Variants in HMCN2 observed in about 807,000 individuals in gnomAD.
HMCN2 encodes hemicentin-2.
A neutral mutation model predicts 377.5 loss-of-function variants in HMCN2; 325 were observed. That is an observed-to-expected ratio of 0.86 (90% CI 0.79 to 0.94). HMCN2 has a LOEUF of 0.94. HMCN2 is among the 40% of genes least tolerant of loss of function. The pLI is 0.00. For synonymous variants in HMCN2, 2,007 were observed against 2,046.8 expected, an observed-to-expected ratio of 0.98 and a Z score of 0.53; for missense variants, 4,543 against 4,725.3, an observed-to-expected ratio of 0.96 and a Z score of 1.13.
intron 15 of HMCN2, among the ~76,000 whole-genome samples, chr9:130,312,537 CTCCTTTCTTTCTTTCTTTCT>C (rs1837308407): frequency 5.8e-5 from 1 of 17,134 alleles, no homozygotes; most frequent in African/African-American, 1.9e-4. Context: ...CCCTCCCTCC[CTCCTTTCTTTCTTTCTTTCT>C]TTCTTTCTTT....
chr9:130,293,160 AAAAT>A lies in HMCN2; in HGVS notation c.613-1694_613-1691del, dbSNP rs1835895971. On this transcript the variant is annotated intron_variant, in intron 4 of 97. Coordinates refer to ENST00000683500, the MANE Select transcript of HMCN2 (RefSeq NM_001291815.2). ...GTCTCTTACATTTGTTTATAAGAAA[AAAAT>A]CTTGATTCTGAAAATATTGACATCT... Among the ~76,000 whole-genome samples, 10 of 152,266 alleles carry A rather than the reference AAAAT, an allele frequency of 6.6e-5. No individual in the cohort carries two copies. The South Asian group carries it at 2.1e-3, about 32-fold the overall frequency.
At chr9:130,312,862 C>T (rs1195217585) in intron 15 of HMCN2, among the ~76,000 whole-genome samples, 1 of 151,820 alleles carries the variant, frequency 6.6e-6, no homozygotes, top group Non-Finnish European at 1.5e-5. Context: ...GATGGGGTTT[C>T]ACCATGTTGT....
At chr9:130,412,242 G>A (rs1290610994) in intron 85 of HMCN2, among the ~76,000 whole-genome samples, 1 of 152,208 alleles carries the variant, frequency 6.6e-6, no homozygotes, top group African/African-American at 2.4e-5. Context: ...AAAGTGCTGG[G>A]ATTACAGGAG....
intron 1 of HMCN2, among the ~76,000 whole-genome samples, chr9:130,267,697 T>C (rs1239549994): frequency 1.3e-5 from 2 of 152,240 alleles, no homozygotes; most frequent in Admixed American, 6.5e-5. Flanking sequence ...GAGGCCCCTC[T>C]GCTTCCAGGA....
chr9:130,355,863 G>T lies in HMCN2; in HGVS notation c.5255+9G>T, dbSNP rs775399543. 7.8e-7 allele frequency: 1 copy of T among 1,285,954 alleles called. No homozygotes were observed. Among genetic ancestry groups the T allele is most frequent in the African/African-American group, 1.5e-5 (1 of 65,696 alleles). The allele number at this position is 1,285,954 out of a possible 1,614,324, so 79.7% of individuals were successfully genotyped here. ...CCAGTACCCACTATCCAGTGAGTCT[G>T]GGGTGGTGGAGGCCAGGGCTGGGGG... is the stretch of plus-strand genomic sequence containing the variant. On this transcript the variant is annotated intron_variant, in intron 33 of 97. Transcript: ENST00000683500.
At chr9:130,382,122 G>A (rs752357784) in intron 54 of HMCN2, 62 bp from the exon 55 acceptor site, 195 of 729,300 alleles carry the variant, frequency 2.7e-4, no homozygotes, top group Non-Finnish European at 3.2e-4. Context: ...AGGGGGCAGC[G>A]TCTTTGCTCT....
chr9:130,302,298 C>T (rs542334451), intron 8 of HMCN2, among the ~76,000 whole-genome samples: 9 of 152,238 alleles, frequency 5.9e-5, no homozygotes, highest in South Asian at 2.1e-4. Flanking sequence ...TGCCCACCTC[C>T]GCCTCCCAAA....
chr9:130,361,744 G>A lies in HMCN2; in HGVS notation c.5951-264G>A, dbSNP rs866808774. Among the ~76,000 whole-genome samples the A allele has an allele frequency of 6.6e-6, 1 of 152,208 alleles. No individual in the cohort carries two copies. Among genetic ancestry groups the A allele is most frequent in the Non-Finnish European group, 1.5e-5 (1 of 68,036 alleles). ...GCTGACCAGAGGCCTGAGTGCGAGT[G>A]CTGCTTCCTGGGTGGTCAGCCTTGG... is the stretch of plus-strand genomic sequence containing the variant. On this transcript the variant is annotated intron_variant, in intron 38 of 97. Transcript: ENST00000683500. This position sits in a 1 kb window ranked among gnomAD's most constrained non-coding sequence, Gnocchi z 4.8.
At position 130,433,809 on chromosome 9, in the gene HMCN2, C is replaced by A; in HGVS notation, c.*116C>A. On this transcript the variant is annotated 3_prime_UTR_variant, in exon 98 of 98. Transcript: ENST00000683500. ...GAGCGTCATCGTCTCCCGCCCCGTG[C>A]GTCAGCGAGACCTTGGGTCAACACG... The A allele has an allele frequency of 1.2e-6, 1 of 864,908 alleles. No homozygotes were observed. Among genetic ancestry groups the A allele is most frequent in the Non-Finnish European group, 1.7e-6 (1 of 604,630 alleles). 53.6% of individuals were successfully genotyped at this position (864,908 alleles called of 1,614,324 possible). A position where few individuals can be genotyped will look rare whatever the true frequency, so the allele number is the denominator to read the frequency against.
At chr9:130,350,388 CAA>C (rs1187309511) in intron 29 of HMCN2, among the ~76,000 whole-genome samples, 1 of 89,688 alleles carries the variant, frequency 1.1e-5, no homozygotes, top group Non-Finnish European at 2.0e-5. Context: ...CAAAAAAATA[CAA>C]AAAAAAAAAA....
chr9:130,356,421 C>A, intron 34 of HMCN2, 164 bp downstream of exon 34: 3 of 407,888 alleles, frequency 7.4e-6, no homozygotes, highest in Non-Finnish European at 9.9e-6. Flanking sequence ...GTGTGAGAGG[C>A]TGGCCGGGCC....
intron 66 of HMCN2, among the ~76,000 whole-genome samples, chr9:130,392,791 T>A (rs550431865): frequency 6.6e-6 from 1 of 151,990 alleles, no homozygotes; most frequent in African/African-American, 2.4e-5. Context: ...GGTCAGGAGA[T>A]CAAGACCATC....
intron 60 of HMCN2, 37 bp from the exon 61 acceptor site, chr9:130,386,406 T>A (rs1051346420): frequency 3.2e-6 from 4 of 1,267,396 alleles, no homozygotes; most frequent in Non-Finnish European, 4.2e-6. Flanking sequence ...CACTTCCAGC[T>A]CCAGCACACA....
At position 130,384,679 on chromosome 9, in the gene HMCN2, C is replaced by T. The variant is rs991069158; in HGVS notation, c.8993-6C>T. On this transcript the variant is annotated splice_polypyrimidine_tract_variant and splice_region_variant and intron_variant, in intron 58 of 97. Transcript: ENST00000683500. Reference sequence around the variant, plus strand: ...GCTGGTGTGAGGGGCTGGCTTCCCCCGGCAGGCACCCACACGCTGCAGCTG... The same window carrying T: ...GCTGGTGTGAGGGGCTGGCTTCCCCTGGCAGGCACCCACACGCTGCAGCTG... The T allele has an allele frequency of 8.4e-6, 11 of 1,302,106 alleles. No homozygotes were observed. The highest frequency in any genetic ancestry group is 3.7e-5 in the South Asian group (3 of 81,014). The allele number at this position is 1,302,106 out of a possible 1,614,324, so 80.7% of individuals were successfully genotyped here.
chr9:130,325,332 G>C (rs1213614058), intron 19 of HMCN2, among the ~76,000 whole-genome samples: 2 of 152,208 alleles, frequency 1.3e-5, no homozygotes, highest in East Asian at 3.9e-4. Context: ...CTGACCTCAA[G>C]TGATTCTCCC....
chr9:130,359,401 C>G lies in HMCN2; in HGVS notation c.5760C>G (p.Gly1920=). 7.7e-7 allele frequency: 1 copy of G among 1,301,716 alleles called. No homozygotes were observed. Among genetic ancestry groups the G allele is most frequent in the Non-Finnish European group, 1.0e-6 (1 of 986,986 alleles). The allele number at this position is 1,301,716 out of a possible 1,614,324, so 80.6% of individuals were successfully genotyped here. A position where few individuals can be genotyped will look rare whatever the true frequency, so the allele number is the denominator to read the frequency against. The change falls in exon 37 of 98, where the codon GGC becomes GGG. Residue 1920 remains glycine, a synonymous_variant. Transcript: ENST00000683500. ...TGACCTTGGAGTGTCTGGCTTCGGGCGTGCCCCCTCCTGGTAAGACCCCTC... is the reference window on the plus strand; with the variant it reads ...TGACCTTGGAGTGTCTGGCTTCGGGGGTGCCCCCTCCTGGTAAGACCCCTC... ...ASVTLECLAS[G]VPPPDVSWFK... is the part of the protein sequence containing the mutation.
In HMCN2 at chr9:130,358,066, C is replaced by CT. The variant is rs938102353; in HGVS notation, c.5580+79dup. ...CTGCTCTGGGGGCTTCCTGGAGACT[C>CT]TGAGCAAATCCCAGCAGGCTGGGCA... On this transcript the variant is annotated intron_variant, in intron 35 of 97. Transcript: ENST00000683500. 2.8e-5 allele frequency: 33 copies of CT among 1,174,974 alleles called. No individual in the cohort carries two copies. In the African/African-American group the frequency reaches 4.6e-4, roughly 17 times the overall value. The allele number at this position is 1,174,974 out of a possible 1,614,324, so 72.8% of individuals were successfully genotyped here. A position where few individuals can be genotyped will look rare whatever the true frequency, so the allele number is the denominator to read the frequency against.
intron 4 of HMCN2, among the ~76,000 whole-genome samples, chr9:130,293,129 G>A (rs1835894354): frequency 6.6e-6 from 1 of 151,832 alleles, no homozygotes; most frequent in South Asian, 2.1e-4. Context: ...TTTGATACTT[G>A]CAGCTGTCTC....
chr9:130,391,027 A>G lies in HMCN2; in HGVS notation c.9574A>G (p.Ser3192Gly). ...CTCCCGGGGGGGCCGCCTCCAGCTG[A>G]GCCGCCTGCAACCGGCCCAGGCGGG... The part of the protein sequence containing the change: ...VVSRGGRLQL[S>G]RLQPAQAGTY... The change falls in exon 63 of 98, where the codon AGC (serine) becomes GGC (glycine). Residue 3192 changes from serine (S) to glycine (G), a missense_variant. By Grantham distance (56) the Ser-to-Gly change is moderately conservative. Transcript: ENST00000683500. 1.0e-6 allele frequency: 1 copy of G among 987,620 alleles called. No individual in the cohort carries two copies. The highest frequency in any genetic ancestry group is 4.7e-5 in the South Asian group (1 of 21,382). The allele number at this position is 987,620 out of a possible 1,614,324, so 61.2% of individuals were successfully genotyped here.
Sources: gnomAD v4.1 joint callset for allele counts (sites outside exome capture counted in the v4.1 genomes callset) on GRCh38, gnomAD v4.1.1 for gene constraint, Gnocchi (gnomAD v3.1) non-coding constraint, MANE v1.5 for transcripts, NCBI Gene and HGNC (gene_info 2026-07-23, HGNC 2026-07-21) for gene names.